Variants in HELZ observed in about 807,000 individuals in gnomAD.
HELZ encodes the protein helicase with zinc finger.
In HELZ, 23 loss-of-function variants were observed where a neutral mutation model predicts 218.2. That is an observed-to-expected ratio of 0.11 (90% CI 0.08 to 0.15). The LOEUF (loss-of-function observed/expected upper bound fraction) is 0.15. HELZ is among the 10% of genes least tolerant of loss of function. HELZ has a pLI of 1.00. For missense variants in HELZ, 1,813 were observed against 2,353.7 expected (o/e 0.77, Z 4.75); for synonymous variants, 814 against 829.4 (o/e 0.98, Z 0.32).
chr17:67,218,444 G>T, intron 4 of HELZ, 151 bp downstream of exon 4: 2 of 665,142 alleles, frequency 3.0e-6, no homozygotes, highest in Non-Finnish European at 5.3e-6. Flanking sequence ...GTTCAAAAAC[G>T]TAGTTACCTT....
intron 13 of HELZ, among the ~76,000 whole-genome samples, chr17:67,172,656 G>A (rs1325055054): frequency 2.0e-5 from 3 of 152,048 alleles, no homozygotes; most frequent in African/African-American, 7.2e-5. Flanking sequence ...CACCCAGGCT[G>A]GAGTGCAGTA....
At chr17:67,187,438 G>GA (rs948333918) in intron 12 of HELZ, among the ~76,000 whole-genome samples, 2 of 151,704 alleles carry the variant, frequency 1.3e-5, no homozygotes, top group South Asian at 2.1e-4. Flanking sequence ...TTCACTATGT[G>GA]AAAAAAAATA....
At position 67,089,666 on chromosome 17, in the gene HELZ, TATAGAG is replaced by T. The variant is rs1430249088; in HGVS notation, c.5242-2591_5242-2586del. ...GAGATTTTATATATATATATATATATATAGAGAGAGAGAGAGAGAGAGAGAGAGAGA... is the reference window on the plus strand; with the variant it reads ...GAGATTTTATATATATATATATATATAGAGAGAGAGAGAGAGAGAGAGAGA... On this transcript the variant is annotated intron_variant, in intron 31 of 32. Transcript: ENST00000358691. Among the ~76,000 whole-genome samples the T allele has an allele frequency of 1.6e-3, 85 of 54,820 alleles. No individual in the cohort carries two copies. The Middle Eastern group carries it at 0.027, about 17-fold the overall frequency. 36.0% of individuals were successfully genotyped at this position (54,820 alleles called of 152,430 possible). A position where few individuals can be genotyped will look rare whatever the true frequency, so the allele number is the denominator to read the frequency against.
intron 17 of HELZ, among the ~76,000 whole-genome samples, chr17:67,152,754 A>G (rs1223665784): frequency 7.0e-6 from 1 of 143,710 alleles, no homozygotes; most frequent in African/African-American, 2.6e-5. Flanking sequence ...TACCTAGAAA[A>G]TAAGAGTAGA....
At chr17:67,128,289 A>G (rs930334351) in intron 24 of HELZ, among the ~76,000 whole-genome samples, 1 of 152,238 alleles carries the variant, frequency 6.6e-6, no homozygotes, top group African/African-American at 2.4e-5. Context: ...TATTCCTTAT[A>G]AAGAATATAA....
chr17:67,117,150 C>T (rs149704810), intron 27 of HELZ, among the ~76,000 whole-genome samples: 1,692 of 152,270 alleles, frequency 0.011, 27 homozygotes, highest in African/African-American at 0.036. Context: ...CCACCATGCC[C>T]GGCCCCTGAT....
intron 5 of HELZ, among the ~76,000 whole-genome samples, chr17:67,208,260 T>TA (rs1025071050): frequency 9.9e-5 from 15 of 151,626 alleles, no homozygotes; most frequent in African/African-American, 3.1e-4. Flanking sequence ...AAAAAAATTG[T>TA]AAAAAAAAAT....
In HELZ at chr17:67,167,568, C is replaced by G. The variant is rs1468609710; in HGVS notation, c.1659G>C (p.Lys553Asn). ...TTTCTTCAATAGTAGCTTCATAAAC[C>G]TTCTCTTTGGTTCCCTGGGTCTGTA... ...KLVQTQGTKE[K>N]VYEATIEEKT... The change falls in exon 14 of 33, where the codon AAG becomes AAC. Residue 553 changes from lysine to asparagine, a missense_variant. Physicochemically the swap from Lys to Asn is moderately conservative, Grantham distance 94. Around this residue, in one of 4 missense-constraint regions of HELZ, gnomAD observed 714 missense variants for 1,029.2 expected, o/e 0.69. Coordinates refer to ENST00000358691, the MANE Select transcript of HELZ (RefSeq NM_014877.4). The G allele has an allele frequency of 1.9e-6, 3 of 1,613,778 alleles. No homozygotes were observed. Among genetic ancestry groups the G allele is most frequent in the Non-Finnish European group, 2.5e-6 (3 of 1,179,710 alleles).
At chr17:67,142,664 C>G (rs1262986532) in intron 21 of HELZ, among the ~76,000 whole-genome samples, 1 of 152,038 alleles carries the variant, frequency 6.6e-6, no homozygotes, top group Non-Finnish European at 1.5e-5. Context: ...CAAACAGCAA[C>G]TATAAACAAG....
intron 3 of HELZ, among the ~76,000 whole-genome samples, chr17:67,231,925 C>T (rs1221567927): frequency 2.0e-5 from 3 of 151,078 alleles, no homozygotes; most frequent in South Asian, 2.1e-4. Flanking sequence ...TGGTGGCAGG[C>T]GCCTGTAATC....
chr17:67,160,687 G>A (rs572239556), intron 16 of HELZ, among the ~76,000 whole-genome samples: 1 of 152,214 alleles, frequency 6.6e-6, no homozygotes, highest in Admixed American at 6.5e-5. Flanking sequence ...AAAACTTACT[G>A]TCTATACTAC....
In HELZ at chr17:67,164,269, G is replaced by A. The variant is rs949538922; in HGVS notation, c.1895+2209C>T. Among the ~76,000 whole-genome samples, 19 of 152,292 alleles carry A rather than the reference G, an allele frequency of 1.2e-4. No homozygotes were observed. In the East Asian group the frequency reaches 2.7e-3, roughly 22 times the overall value. ...TTGAAAACACAAAACTGAGCCTAGCGCATGTCAGGCACTCAATAAATAGTT... is the reference window on the plus strand; with the variant it reads ...TTGAAAACACAAAACTGAGCCTAGCACATGTCAGGCACTCAATAAATAGTT... On this transcript the variant is annotated intron_variant, in intron 15 of 32. Coordinates refer to ENST00000358691, the MANE Select transcript of HELZ (RefSeq NM_014877.4).
intron 26 of HELZ, among the ~76,000 whole-genome samples, chr17:67,122,395 A>T (rs1027433506): frequency 2.0e-5 from 3 of 152,208 alleles, no homozygotes; most frequent in East Asian, 3.8e-4. Context: ...AATACAAAAA[A>T]ATTAGCCAGG....
intron 20 of HELZ, among the ~76,000 whole-genome samples, chr17:67,147,472 C>T (rs1392887398): frequency 6.6e-6 from 1 of 151,956 alleles, no homozygotes; most frequent in African/African-American, 2.4e-5. Flanking sequence ...CTTCCCCTGC[C>T]TTTTTATTCT....
intron 3 of HELZ, 60 bp from the exon 4 acceptor site, chr17:67,218,882 G>T: frequency 8.2e-7 from 1 of 1,219,276 alleles, no homozygotes; most frequent in Non-Finnish European, 1.2e-6. Context: ...ATAAATTCTA[G>T]CCCCATTCCT....
rs1181945908 is a variant in HELZ, at chr17:67,114,338, T to C, written c.3904A>G (p.Thr1302Ala). The change falls in exon 28 of 33, where the codon ACA becomes GCA. Residue 1302 changes from threonine to alanine, a missense_variant. Thr to Ala is a moderately conservative substitution (Grantham distance 58, BLOSUM62 0). Coordinates refer to ENST00000358691, the MANE Select transcript of HELZ (RefSeq NM_014877.4). ...NKIRTPEKKP[T>A]EPKQVDLESN... is the part of the protein sequence containing the mutation. ...AAGCAGCATACCTGTTTTGGTTCTG[T>C]TGGCTTTTTCTCTGGTGTTCGAATC... 5 of 1,609,842 alleles carry C rather than the reference T, an allele frequency of 3.1e-6. No homozygotes were observed. The African/African-American group carries it at 5.3e-5, about 17-fold the overall frequency.
intron 20 of HELZ, 89 bp from the exon 21 acceptor site, chr17:67,145,979 T>C (rs1047794707): frequency 1.8e-6 from 2 of 1,105,100 alleles, no homozygotes; most frequent in Non-Finnish European, 2.6e-6. Context: ...TCGATTCTAA[T>C]AATATTGCCT....
chr17:67,128,537 CA>C, intron 24 of HELZ, 113 bp downstream of exon 24: 1 of 936,796 alleles, frequency 1.1e-6, no homozygotes, highest in South Asian at 1.5e-5. Context: ...CGCTTGCCGC[CA>C]AATGTAACCT....
intron 5 of HELZ, among the ~76,000 whole-genome samples, chr17:67,207,781 G>A (rs936503615): frequency 1.3e-5 from 2 of 152,168 alleles, no homozygotes; most frequent in African/African-American, 2.4e-5. Context: ...GCCTGAGGCA[G>A]GTGGATCACC....
Sources: allele counts gnomAD v4.1 joint callset (sites outside exome capture counted in the v4.1 genomes callset), GRCh38; gene constraint gnomAD v4.1.1; regional missense constraint gnomAD v4.1.1; transcripts MANE v1.5; gene names NCBI Gene and HGNC (gene_info 2026-07-23, HGNC 2026-07-21).